Variants in RAB27A observed in about 807,000 individuals in gnomAD.
RAB27A encodes the protein ras-related protein Rab-27A.
RAB27A carries 17 observed loss-of-function variants against 20.8 expected under a neutral mutation model. The ratio of observed to expected loss-of-function variants is 0.82; its 90% CI spans 0.56 to 1.23. The LOEUF (loss-of-function observed/expected upper bound fraction) is 1.23. Among genes scored for constraint, RAB27A ranks in the 50% most tolerant of loss-of-function variants. RAB27A has a pLI of 0.00. For missense variants in RAB27A, 277 were observed against 266.7 expected (o/e 1.04, Z -0.27); for synonymous variants, 85 against 92.8 (o/e 0.92, Z 0.48).
intron 2 of RAB27A, among the ~76,000 whole-genome samples, chr15:55,235,968 G>T (rs1896239256): frequency 6.6e-6 from 1 of 152,108 alleles, no homozygotes. Context: ...CTATGAGGAA[G>T]CAAAGGCATA....
chr15:55,288,337 A>G (rs1898212149), intron 1 of RAB27A, among the ~76,000 whole-genome samples: 1 of 152,116 alleles, frequency 6.6e-6, no homozygotes, highest in African/African-American at 2.4e-5. Context: ...CCTGGCCAAC[A>G]TAGCAAAACC....
At chr15:55,229,787 A>C (rs984953227) in intron 4 of RAB27A, among the ~76,000 whole-genome samples, 1 of 152,266 alleles carries the variant, frequency 6.6e-6, no homozygotes, top group African/African-American at 2.4e-5. Context: ...GGGTGAGAAG[A>C]GGTAAGGGGT....
At chr15:55,220,007 A>T (rs558026712) in intron 6 of RAB27A, among the ~76,000 whole-genome samples, 1 of 152,258 alleles carries the variant, frequency 6.6e-6, no homozygotes, top group Admixed American at 6.5e-5. Flanking sequence ...TTAGGCCACT[A>T]CAAATTTTTT....
intron 2 of RAB27A, among the ~76,000 whole-genome samples, chr15:55,258,437 C>T (rs918230415): frequency 1.3e-5 from 2 of 152,078 alleles, no homozygotes; most frequent in Non-Finnish European, 2.9e-5. Flanking sequence ...TTTTAGGGCC[C>T]CAGAAAGGCC....
At chr15:55,209,875 T>C (rs1362019487) in intron 6 of RAB27A, among the ~76,000 whole-genome samples, 2 of 21,734 alleles carry the variant, frequency 9.2e-5, no homozygotes, top group African/African-American at 1.9e-4. Flanking sequence ...TATATACATA[T>C]ATGTGTGTGT....
In RAB27A at chr15:55,303,239, G is replaced by A. The variant is rs79637025; in HGVS notation, c.-112+10800C>T. 2.9e-3 allele frequency among the ~76,000 whole-genome samples: 214 copies of A among 72,846 alleles called. 1 individual carries two copies. Among genetic ancestry groups the A allele is most frequent in the African/African-American group, 0.014 (130 of 9,048 alleles). The allele number at this position is 72,846 out of a possible 152,430, so 47.8% of individuals were successfully genotyped here. A position where few individuals can be genotyped will look rare whatever the true frequency, so the allele number is the denominator to read the frequency against. The stretch of plus-strand genomic sequence containing the variant: ...GAGGAGCCCCTCAGCCCGGCCAGCC[G>A]CCCTGTCCGGGAGGGAGGTGGGGGG... On this transcript the variant is annotated intron_variant, in intron 2 of 5. Coordinates refer to the RAB27A transcript ENST00000563262.
chr15:55,259,797 ATC>A (rs1238514361), intron 2 of RAB27A: 1 of 152,192 alleles, frequency 6.6e-6, no homozygotes, highest in Non-Finnish European at 1.5e-5. Context: ...AAATGAATGG[ATC>A]TGTTTCAGGG....
At chr15:55,208,938 C>T (rs1894783576) in intron 6 of RAB27A, among the ~76,000 whole-genome samples, 1 of 152,164 alleles carries the variant, frequency 6.6e-6, no homozygotes, top group African/African-American at 2.4e-5. Flanking sequence ...GTGGTTCCCT[C>T]TGAGGAGGTA....
chr15:55,270,553 T>C (rs903948609), intron 1 of RAB27A, among the ~76,000 whole-genome samples: 1 of 152,206 alleles, frequency 6.6e-6, no homozygotes, highest in Non-Finnish European at 1.5e-5. Context: ...GTTAGAAGAC[T>C]CTGCACTTCA....
intron 2 of RAB27A, among the ~76,000 whole-genome samples, chr15:55,311,657 GTAAGCTAGTGTTATAATT>G (rs2055021142): frequency 6.6e-6 from 1 of 152,214 alleles, no homozygotes; most frequent in South Asian, 2.1e-4. Context: ...AGGTGTAGCT[GTAAGCTAGTGTTATAATT>G]TATACTTCCC....
intron 2 of RAB27A, among the ~76,000 whole-genome samples, chr15:55,242,038 T>A (rs1033986197): frequency 6.6e-6 from 1 of 152,020 alleles, no homozygotes; most frequent in Non-Finnish European, 1.5e-5. Flanking sequence ...CAGCCCAGAT[T>A]TTCCATGAAG....
intron 2 of RAB27A, among the ~76,000 whole-genome samples, chr15:55,267,086 C>T (rs1222673977): frequency 2.0e-5 from 3 of 152,202 alleles, no homozygotes; most frequent in African/African-American, 7.2e-5. Context: ...CACAGGCTGG[C>T]TCAGTTGCCA....
At chr15:55,280,943 T>G (rs1898001165) in intron 1 of RAB27A, among the ~76,000 whole-genome samples, 1 of 152,212 alleles carries the variant, frequency 6.6e-6, no homozygotes, top group African/African-American at 2.4e-5. Context: ...GTCTTTGCTA[T>G]TGTGAATAGT....
intron 6 of RAB27A, among the ~76,000 whole-genome samples, chr15:55,213,863 T>C (rs532982998): frequency 6.6e-6 from 1 of 152,322 alleles, no homozygotes; most frequent in East Asian, 1.9e-4. Flanking sequence ...AATGTAATGA[T>C]AATAGAAATA....
rs573021521 is a variant in RAB27A at position 55,222,204 on chromosome 15, G to T, written c.467+1685C>A. ...ATGAGAATGTGTTAAAAGTTCTCTG[G>T]ATGTTTCTAACATGGTTAAACACCA... On this transcript the variant is annotated intron_variant, in intron 6 of 6. Coordinates refer to ENST00000336787, the MANE Select transcript of RAB27A (RefSeq NM_183235.3). Among the ~76,000 whole-genome samples, 3 of 152,272 alleles carry T rather than the reference G, an allele frequency of 2.0e-5. No individual in the cohort carries two copies. The East Asian group carries it at 5.8e-4, about 29-fold the overall frequency.
chr15:55,283,172 G>T (rs1406787488), intron 1 of RAB27A, among the ~76,000 whole-genome samples: 1 of 152,104 alleles, frequency 6.6e-6, no homozygotes, highest in Admixed American at 6.5e-5. Flanking sequence ...TGTGTACTGA[G>T]AATGTTTTGC....
intron 6 of RAB27A, among the ~76,000 whole-genome samples, chr15:55,219,556 CA>C (rs1335153315): frequency 6.6e-6 from 1 of 152,200 alleles, no homozygotes; most frequent in East Asian, 1.9e-4. Flanking sequence ...CCTACTGAAT[CA>C]GAAACTGCGG....
intron 2 of RAB27A, among the ~76,000 whole-genome samples, chr15:55,308,509 C>G (rs1436312258): frequency 6.6e-6 from 1 of 152,168 alleles, no homozygotes; most frequent in Non-Finnish European, 1.5e-5. Context: ...CACTGCATAC[C>G]CTGCTTTTTG....
chr15:55,316,644 C>T (rs1235539194), intron 1 of RAB27A, among the ~76,000 whole-genome samples: 4 of 151,202 alleles, frequency 2.6e-5, no homozygotes, highest in Non-Finnish European at 1.5e-5. Context: ...AAAAGTAATA[C>T]CAATTCTTAG....
Sources: gnomAD v4.1 joint callset for allele counts (sites outside exome capture counted in the v4.1 genomes callset) on GRCh38, gnomAD v4.1.1 for gene constraint, MANE v1.5 for transcripts, NCBI Gene and HGNC (gene_info 2026-07-23, HGNC 2026-07-21) for gene names.